The following TNFRSF19 variants were observed in gnomAD, a reference collection of about 807,000 sequenced individuals.
The protein encoded by TNFRSF19 is tumor necrosis factor receptor superfamily member 19.
TNFRSF19 carries 27 observed loss-of-function variants against 46.4 expected under a neutral mutation model. That is an observed-to-expected ratio of 0.58 (90% CI 0.43 to 0.80). The LOEUF (loss-of-function observed/expected upper bound fraction) is 0.80, where lower values mean the gene tolerates loss of function less well. Ranked by LOEUF, TNFRSF19 falls within the 30% of genes least tolerant of loss-of-function variation. The pLI is 0.00. For missense variants in TNFRSF19, 511 were observed against 530.8 expected (o/e 0.96, Z 0.37); for synonymous variants, 204 against 205.0 (o/e 1.00, Z 0.04).
chr13:23,588,659 G>C (rs530630569), intron 1 of TNFRSF19, among the ~76,000 whole-genome samples: 3 of 151,954 alleles, frequency 2.0e-5, no homozygotes, highest in Non-Finnish European at 4.4e-5. Context: ...ATGTAAGATC[G>C]TATCATGAAA....
intron 4 of TNFRSF19, among the ~76,000 whole-genome samples, chr13:23,624,987 G>A (rs1257119897): frequency 2.0e-5 from 3 of 151,830 alleles, no homozygotes; most frequent in Non-Finnish European, 4.4e-5. Context: ...CCCGACCTCA[G>A]GTGATCCACC....
chr13:23,582,628 G>GTTC (rs1276209044), intron 1 of TNFRSF19, among the ~76,000 whole-genome samples: 1 of 152,156 alleles, frequency 6.6e-6, no homozygotes, highest in Non-Finnish European at 1.5e-5. Context: ...GACATACTGT[G>GTTC]AAACTGCCAA....
intron 1 of TNFRSF19, among the ~76,000 whole-genome samples, chr13:23,574,337 C>G (rs1349860885): frequency 6.6e-6 from 1 of 152,112 alleles, no homozygotes; most frequent in Non-Finnish European, 1.5e-5. Flanking sequence ...TCAGTGGCAG[C>G]ATTGTGATCT....
At chr13:23,609,972 T>C (rs553178476) in intron 3 of TNFRSF19, among the ~76,000 whole-genome samples, 1 of 152,326 alleles carries the variant, frequency 6.6e-6, no homozygotes, top group African/African-American at 2.4e-5. Flanking sequence ...AGGGGAAATA[T>C]CTCTTCAATG....
At chr13:23,591,879 A>C (rs1879335219) in intron 2 of TNFRSF19, among the ~76,000 whole-genome samples, 1 of 151,962 alleles carries the variant, frequency 6.6e-6, no homozygotes. Context: ...GGTGCGCACC[A>C]CCACACCTAG....
chr13:23,583,359 A>G (rs1878592361), intron 1 of TNFRSF19, among the ~76,000 whole-genome samples: 1 of 152,234 alleles, frequency 6.6e-6, no homozygotes. Context: ...AAAGAAAATT[A>G]AAGTGGGTAT....
At chr13:23,669,191 GTTT>G (rs11383459) in intron 9 of TNFRSF19, 94 bp downstream of exon 9, 1 of 1,294,074 alleles carries the variant, frequency 7.7e-7, no homozygotes, top group Non-Finnish European at 1.0e-6. Flanking sequence ...AACCTGATGA[GTTT>G]TTTTTTTGCA....
At chr13:23,592,009 G>A (rs1324367894) in intron 2 of TNFRSF19, among the ~76,000 whole-genome samples, 1 of 152,038 alleles carries the variant, frequency 6.6e-6, no homozygotes, top group Non-Finnish European at 1.5e-5. Flanking sequence ...ACAGGTGTGA[G>A]CCACCGTGCC....
intron 5 of TNFRSF19, among the ~76,000 whole-genome samples, chr13:23,647,976 T>C (rs1593285150): frequency 1.3e-5 from 2 of 151,986 alleles, no homozygotes; most frequent in African/African-American, 2.4e-5. Flanking sequence ...CCACCCCCCC[T>C]TTTTTTTAAC....
chr13:23,586,257 CAAA>C (rs34228080), intron 1 of TNFRSF19, among the ~76,000 whole-genome samples: 5 of 91,926 alleles, frequency 5.4e-5, no homozygotes, highest in East Asian at 2.9e-4. Flanking sequence ...GACTCCGTCT[CAAA>C]AAAAAAAAAA....
At chr13:23,646,245 A>C (rs1320352274) in intron 5 of TNFRSF19, among the ~76,000 whole-genome samples, 1 of 152,018 alleles carries the variant, frequency 6.6e-6, no homozygotes, top group Non-Finnish European at 1.5e-5. Flanking sequence ...CCCCCCAATC[A>C]CTTCCTATTA....
At chr13:23,616,108 C>T (rs1379380546) in intron 4 of TNFRSF19, 63 bp downstream of exon 4, 2 of 1,497,574 alleles carry the variant, frequency 1.3e-6, no homozygotes, top group African/African-American at 2.8e-5. Flanking sequence ...AAAGGCAATT[C>T]CCTTGTTCCA....
chr13:23,668,032 C>A lies in TNFRSF19; in HGVS notation c.789C>A (p.Asn263Lys). 1.2e-6 allele frequency: 2 copies of A among 1,610,502 alleles called. No individual in the cohort carries two copies. The highest frequency in any genetic ancestry group is 8.5e-7 in the Non-Finnish European group (1 of 1,178,600). ...GCTGTGAGGAGGCCTGCAGCCCCAA[C>A]CCGGCGACTCTTGGTTGTGGGGTGC... Reference protein sequence around the residue: ...SMCCEEACSPNPATLGCGVHS... With the variant: ...SMCCEEACSPKPATLGCGVHS... The change falls in exon 8 of 10, where the codon AAC becomes AAA. Residue 263 changes from asparagine (N) to lysine (K), a missense_variant. Around this residue, in one of 3 missense-constraint regions of TNFRSF19, gnomAD observed 376 missense variants for 372.7 expected, o/e 1.01. Transcript: ENST00000248484.
At chr13:23,652,331 C>G (rs1311491190) in intron 5 of TNFRSF19, among the ~76,000 whole-genome samples, 6 of 152,160 alleles carry the variant, frequency 3.9e-5, no homozygotes, top group Admixed American at 3.9e-4. Flanking sequence ...GAAATTGGTA[C>G]CAAAGCACTT....
chr13:23,590,479 C>A (rs778266162), intron 2 of TNFRSF19, among the ~76,000 whole-genome samples: 5 of 152,098 alleles, frequency 3.3e-5, no homozygotes, highest in Non-Finnish European at 7.4e-5. Context: ...GGATTACAGG[C>A]ACCCACCACC....
intron 9 of TNFRSF19, among the ~76,000 whole-genome samples, chr13:23,671,035 A>G (rs1323982651): frequency 2.0e-5 from 3 of 152,192 alleles, no homozygotes; most frequent in Admixed American, 1.3e-4. Flanking sequence ...CCCGGAGCCA[A>G]CTCATTGCCT....
chr13:23,630,302 TAAAAA>T (rs33960618), intron 5 of TNFRSF19, among the ~76,000 whole-genome samples: 3 of 89,716 alleles, frequency 3.3e-5, no homozygotes, highest in East Asian at 3.3e-4. Context: ...GACCCTGTCT[TAAAAA>T]AAAAAAAAAA....
In TNFRSF19 at chr13:23,626,810, A is replaced by G. The variant is rs767212498; in HGVS notation, c.445+18A>G. The stretch of plus-strand genomic sequence containing the variant: ...ACCGCACTGTGAGTGAACGCAACAC[A>G]GGCAGAGCCAAGGGGACGCCTGGCC... On this transcript the variant is annotated intron_variant, in intron 5 of 9. Transcript: ENST00000248484. 6.2e-7 allele frequency: 1 copy of G among 1,612,526 alleles called. No individual in the cohort carries two copies. Among genetic ancestry groups the G allele is most frequent in the African/African-American group, 1.3e-5 (1 of 74,882 alleles).
intron 5 of TNFRSF19, among the ~76,000 whole-genome samples, chr13:23,632,934 C>A (rs1195522626): frequency 2.0e-5 from 3 of 152,110 alleles, no homozygotes; most frequent in Non-Finnish European, 2.9e-5. Context: ...GCATGAAGAA[C>A]CCCAAACACA....
Sources: allele counts gnomAD v4.1 joint callset (sites outside exome capture counted in the v4.1 genomes callset), GRCh38; gene constraint gnomAD v4.1.1; regional missense constraint gnomAD v4.1.1; transcripts MANE v1.5; gene names NCBI Gene and HGNC (gene_info 2026-07-23, HGNC 2026-07-21).